ZNF883: variants seen among roughly 807,000 people sequenced by gnomAD.
The protein encoded by ZNF883 is zinc finger protein 883.
chr9:113,003,591 AAAAG>A (rs199806895), intron 2 of ZNF883, among the ~76,000 whole-genome samples: 13,370 of 144,468 alleles, frequency 0.093, 788 homozygotes, highest in East Asian at 0.28. Flanking sequence ...AAAAAAAAAA[AAAAG>A]AATGGAAATG....
At chr9:113,001,917 C>T (rs1049920259), upstream of ZNF883, 2 of 152,162 alleles carry the variant, frequency 1.3e-5, no homozygotes, top group Non-Finnish European at 2.9e-5. Flanking sequence ...GGTCCCTAAA[C>T]TCAAAGCTCA....
chr9:113,000,809 G>A (rs1440740575), upstream of ZNF883, among the ~76,000 whole-genome samples: 1 of 151,974 alleles, frequency 6.6e-6, no homozygotes, highest in African/African-American at 2.4e-5. Flanking sequence ...AATATATGGG[G>A]ATAATAGAAT....
chr9:113,001,597 A>G (rs1828424858), upstream of ZNF883, among the ~76,000 whole-genome samples: 1 of 152,138 alleles, frequency 6.6e-6, no homozygotes, highest in Admixed American at 6.5e-5. Flanking sequence ...CACTATTGTT[A>G]CTAGCACCAC....
chr9:112,994,828 T>C (rs1828333782), downstream of ZNF883, among the ~76,000 whole-genome samples: 1 of 152,194 alleles, frequency 6.6e-6, no homozygotes, highest in South Asian at 2.1e-4. Flanking sequence ...TTTCAAATTA[T>C]GACAGTTTTT....
intron 2 of ZNF883, among the ~76,000 whole-genome samples, chr9:113,004,510 A>C (rs1370831949): frequency 6.6e-6 from 1 of 152,034 alleles, no homozygotes; most frequent in Non-Finnish European, 1.5e-5. Flanking sequence ...AGGCCTCACC[A>C]ATAGGATTAG....
At chr9:112,995,355 T>A (rs190663378), downstream of ZNF883, among the ~76,000 whole-genome samples, 3,637 of 152,192 alleles carry the variant, frequency 0.024, 81 homozygotes, top group Non-Finnish European at 0.036. Flanking sequence ...AACTTTACCA[T>A]CGGCTCTCCT....
chr9:113,008,858 T>C (rs1294749657), intron 2 of ZNF883, among the ~76,000 whole-genome samples: 1 of 151,970 alleles, frequency 6.6e-6, no homozygotes, highest in Non-Finnish European at 1.5e-5. Context: ...ATGGGAATAC[T>C]TCCTGGAAGG....
intron 1 of ZNF883, among the ~76,000 whole-genome samples, chr9:112,989,628 TTAAAG>T (rs1038883073): frequency 1.1e-4 from 16 of 152,204 alleles, no homozygotes; most frequent in African/African-American, 2.9e-4. Context: ...CATATGAACA[TTAAAG>T]TAGTTTTTTC....
chr9:112,991,436 G>A (rs1828301597), intron 1 of ZNF883, among the ~76,000 whole-genome samples: 1 of 152,060 alleles, frequency 6.6e-6, no homozygotes, highest in South Asian at 2.1e-4. Flanking sequence ...TGATTGTGCT[G>A]TGGTCTGAGA....
At chr9:112,991,737 G>A (rs1828305278) in intron 1 of ZNF883, among the ~76,000 whole-genome samples, 1 of 152,172 alleles carries the variant, frequency 6.6e-6, no homozygotes, top group African/African-American at 2.4e-5. Context: ...CGGTCTCTAA[G>A]AACTTGTTTT....
At chr9:112,992,288 T>A (rs191593424), downstream of ZNF883, among the ~76,000 whole-genome samples, 2 of 152,326 alleles carry the variant, frequency 1.3e-5, no homozygotes, top group East Asian at 3.9e-4. Context: ...TGGCAGTGAA[T>A]TCCCTCAGCA....
At chr9:112,998,270 C>CCTG (rs1554767543), upstream of ZNF883, 1 of 1,510,234 alleles carries the variant, frequency 6.6e-7, no homozygotes, top group Non-Finnish European at 8.8e-7. Flanking sequence ...CAGTACTGAA[C>CCTG]TATGGCTTTA....
intron 2 of ZNF883, among the ~76,000 whole-genome samples, chr9:113,006,377 A>C (rs1208598709): frequency 1.3e-5 from 2 of 152,184 alleles, no homozygotes; most frequent in Non-Finnish European, 2.9e-5. Context: ...TAAAATAGCC[A>C]GCTAACAACC....
At chr9:112,988,665 A>G (rs970009053) in intron 1 of ZNF883, among the ~76,000 whole-genome samples, 1 of 152,216 alleles carries the variant, frequency 6.6e-6, no homozygotes, top group African/African-American at 2.4e-5. Context: ...CTTTGGGTAT[A>G]TACTCAGTAA....
At chr9:112,997,830 G>A in exon 1 of ZNF883, 3 of 1,612,974 alleles carry the variant, frequency 1.9e-6, no homozygotes, top group East Asian at 4.5e-5. Flanking sequence ...TGAATTCTAT[G>A]ATGTTGAGTA....
chr9:113,001,878 T>C (rs1415777618), upstream of ZNF883: 1 of 152,196 alleles, frequency 6.6e-6, no homozygotes, highest in Non-Finnish European at 1.5e-5. Context: ...AGGACTATCA[T>C]CTGTTTAGTA....
downstream of ZNF883, among the ~76,000 whole-genome samples, chr9:112,996,805 A>G (rs1828361095): frequency 3.4e-5 from 5 of 148,748 alleles, no homozygotes; most frequent in Non-Finnish European, 7.4e-5. Flanking sequence ...AAAAAAAAAA[A>G]AAAAAAAAAA....
At chr9:113,009,112 C>A (rs998760239) in intron 2 of ZNF883, among the ~76,000 whole-genome samples, 1 of 152,190 alleles carries the variant, frequency 6.6e-6, no homozygotes, top group Non-Finnish European at 1.5e-5. Context: ...CTCAACAGAG[C>A]ATCCAAAATT....
chr9:112,989,605 CT>C (rs1828282487), intron 1 of ZNF883, among the ~76,000 whole-genome samples: 1 of 151,942 alleles, frequency 6.6e-6, no homozygotes, highest in Non-Finnish European at 1.5e-5. Context: ...GCTATTTGGG[CT>C]TTTTTTGGTT....
Sources: allele counts gnomAD v4.1 joint callset (sites outside exome capture counted in the v4.1 genomes callset), GRCh38; gene constraint gnomAD v4.1.1; transcripts MANE v1.5; gene names NCBI Gene and HGNC (gene_info 2026-07-23, HGNC 2026-07-21).